Variants in NDRG4 observed in about 807,000 individuals in gnomAD.
NDRG4 encodes protein NDRG4.
A neutral mutation model predicts 55.8 loss-of-function variants in NDRG4; 38 were observed. The ratio of observed to expected loss-of-function variants is 0.68; its 90% CI spans 0.53 to 0.89. The LOEUF is 0.89. Among genes scored for constraint, NDRG4 ranks in the 40% least tolerant of loss-of-function variants. The probability of loss-of-function intolerance (pLI) is 0.00; values close to 1 mark genes in which losing one functional copy is unlikely to be tolerated. For missense variants in NDRG4, 455 were observed against 468.6 expected (o/e 0.97, Z 0.27); for synonymous variants, 190 against 182.7 (o/e 1.04, Z -0.32).
chr16:58,476,479 T>C (rs2151601984), intron 1 of NDRG4, among the ~76,000 whole-genome samples: 1 of 152,268 alleles, frequency 6.6e-6, no homozygotes, highest in East Asian at 1.9e-4. Flanking sequence ...ATCACCTTCT[T>C]ACTTTATGAA....
At chr16:58,492,722 T>A (rs541067971) in intron 2 of NDRG4, among the ~76,000 whole-genome samples, 1 of 152,238 alleles carries the variant, frequency 6.6e-6, no homozygotes, top group Non-Finnish European at 1.5e-5. Context: ...TTTTGTTAGC[T>A]TTTGCTTGTA....
chr16:58,464,317 C>G lies in NDRG4; in HGVS notation c.-24+520C>G. The G allele has an allele frequency of 2.2e-6, 2 of 917,880 alleles. No individual in the cohort carries two copies. The highest frequency in any genetic ancestry group is 4.3e-5 in the Admixed American group (1 of 23,232). 56.9% of individuals were successfully genotyped at this position (917,880 alleles called of 1,614,324 possible). A position where few individuals can be genotyped will look rare whatever the true frequency, so the allele number is the denominator to read the frequency against. Reference sequence around the variant, plus strand: ...TGGCTGTGAGCTGCTCCTGCCGCTTCGCTCCGCGCTCTCCTGCCGCTCCGC... The same window carrying G: ...TGGCTGTGAGCTGCTCCTGCCGCTTGGCTCCGCGCTCTCCTGCCGCTCCGC... On this transcript the variant is annotated intron_variant, in intron 1 of 15. Coordinates refer to the NDRG4 transcript ENST00000258187. The surrounding 1 kb of genome is among the most constrained non-coding windows in gnomAD (Gnocchi z 4.8).
intron 5 of NDRG4, among the ~76,000 whole-genome samples, chr16:58,505,377 T>C (rs561275850): frequency 6.7e-6 from 1 of 148,862 alleles, no homozygotes; most frequent in Non-Finnish European, 1.5e-5. Context: ...AAAAAATCAT[T>C]GTTGGGTAGG....
chr16:58,504,470 A>G (rs1446291434), intron 4 of NDRG4, 49 bp downstream of exon 4: 1 of 1,611,764 alleles, frequency 6.2e-7, no homozygotes, highest in South Asian at 1.1e-5. Context: ...TGCCTACCCC[A>G]ACTGCAGAGC....
chr16:58,472,710 T>G (rs1182346728), intron 1 of NDRG4, among the ~76,000 whole-genome samples: 6 of 152,274 alleles, frequency 3.9e-5, no homozygotes. Flanking sequence ...CCCTCATTCC[T>G]ACTAGTTTGG....
At chr16:58,508,603 C>T (rs2038362102) in intron 10 of NDRG4, among the ~76,000 whole-genome samples, 1 of 152,142 alleles carries the variant, frequency 6.6e-6, no homozygotes, top group African/African-American at 2.4e-5. Flanking sequence ...CTGTGCCAGC[C>T]CCCTCCACCC....
chr16:58,510,624 C>T (rs770672490), intron 13 of NDRG4, 21 bp from the exon 14 acceptor site: 32 of 1,535,642 alleles, frequency 2.1e-5, no homozygotes, highest in South Asian at 1.5e-4. Context: ...GCCCCCTCTC[C>T]GGCTCTGTCT....
At chr16:58,505,236 C>G (rs948843980) in intron 5 of NDRG4, among the ~76,000 whole-genome samples, 1 of 151,650 alleles carries the variant, frequency 6.6e-6, no homozygotes, top group African/African-American at 2.4e-5. Flanking sequence ...GTAGTCCCAG[C>G]TACTCGGGAG....
upstream of NDRG4, among the ~76,000 whole-genome samples, chr16:58,497,291 C>T (rs779694670): frequency 5.9e-5 from 9 of 151,916 alleles, no homozygotes; most frequent in Non-Finnish European, 1.2e-4. Context: ...CATTGCACTC[C>T]AGCCTGGGCA....
At chr16:58,506,727 C>G in intron 7 of NDRG4, 113 bp downstream of exon 7, 1 of 1,291,214 alleles carries the variant, frequency 7.7e-7, no homozygotes, top group Non-Finnish European at 1.1e-6. Flanking sequence ...ACTCCAGATG[C>G]TAAGCCATCT....
At position 58,506,397 on chromosome 16, in the gene NDRG4, C is replaced by G; in HGVS notation, c.383C>G (p.Pro128Arg). 1 of 1,613,932 alleles carries G rather than the reference C, an allele frequency of 6.2e-7. No individual in the cohort carries two copies. Among genetic ancestry groups the G allele is most frequent in the Non-Finnish European group, 8.5e-7 (1 of 1,180,000 alleles). ...CCCCTCTTACTGCAGCTCATCTTCC[C>G]CGACCTGGTGGAGGGGCTGGTGCTG... ...YVLAKFALIF[P>R]DLVEGLVLVN... is the part of the protein sequence containing the mutation. The change falls in exon 6 of 15, where the codon CCC (proline) becomes CGC (arginine). Residue 128 changes from proline (P) to arginine (R), a missense_variant. Coordinates refer to ENST00000570248, the MANE Select transcript of NDRG4 (RefSeq NM_001242835.2).
chr16:58,488,496 A>G (rs1190374593), intron 2 of NDRG4, among the ~76,000 whole-genome samples: 2 of 152,058 alleles, frequency 1.3e-5, no homozygotes, highest in South Asian at 2.1e-4. Flanking sequence ...AACCACTTTC[A>G]AAAAGTGTGG....
At chr16:58,514,505 G>T (rs1255674782), downstream of NDRG4, among the ~76,000 whole-genome samples, 1 of 152,144 alleles carries the variant, frequency 6.6e-6, no homozygotes, top group Non-Finnish European at 1.5e-5. Context: ...GGGAGGCCGA[G>T]GCGGGGGGAT....
At chr16:58,496,239 C>G (rs992947219), upstream of NDRG4, among the ~76,000 whole-genome samples, 2 of 151,952 alleles carry the variant, frequency 1.3e-5, no homozygotes, top group African/African-American at 4.8e-5. Context: ...CTCTGGGTTC[C>G]CAACTGCTGC....
chr16:58,468,738 C>T (rs952489709), intron 1 of NDRG4, among the ~76,000 whole-genome samples: 19 of 152,066 alleles, frequency 1.2e-4, no homozygotes, highest in Admixed American at 2.0e-4. Flanking sequence ...TTGTGGGGAG[C>T]CAAGATGATA....
chr16:58,474,028 CTTTTTTTT>C lies in NDRG4; in HGVS notation c.-24+10250_-24+10257del, dbSNP rs1168834628. On this transcript the variant is annotated intron_variant, in intron 1 of 15. Transcript: ENST00000258187. ...GTTTTTTCACTTTTCTTTTCTTTCC[CTTTTTTTT>C]TTTTTTTTTTTTTTTTTTGAGAGAG... Among the ~76,000 whole-genome samples, 20 of 101,208 alleles carry C rather than the reference CTTTTTTTT, an allele frequency of 2.0e-4. No homozygotes were observed. The East Asian group carries it at 2.1e-3, about 11-fold the overall frequency. The allele number at this position is 101,208 out of a possible 152,430, so 66.4% of individuals were successfully genotyped here.
At chr16:58,467,875 G>A (rs9928161) in intron 1 of NDRG4, among the ~76,000 whole-genome samples, 7,948 of 152,286 alleles carry the variant, frequency 0.052, 664 homozygotes, top group African/African-American at 0.18. Flanking sequence ...GCCGCCTCCC[G>A]AGTGCACTCC....
At chr16:58,487,856 T>C (rs761230523) in intron 2 of NDRG4, 2 of 1,529,322 alleles carry the variant, frequency 1.3e-6, no homozygotes, top group South Asian at 2.4e-5. Context: ...AGCTGGTGAG[T>C]TGGAGTCGCG....
intron 1 of NDRG4, among the ~76,000 whole-genome samples, chr16:58,465,865 C>T (rs554359543): frequency 1.1e-4 from 16 of 152,320 alleles, no homozygotes; most frequent in South Asian, 4.1e-4. Flanking sequence ...CAGTTAGCCA[C>T]GGGGCTGGCA....
Sources: allele counts gnomAD v4.1 joint callset (sites outside exome capture counted in the v4.1 genomes callset), GRCh38; gene constraint gnomAD v4.1.1; non-coding constraint Gnocchi (gnomAD v3.1); transcripts MANE v1.5; gene names NCBI Gene and HGNC (gene_info 2026-07-23, HGNC 2026-07-21).